The following LRRC7 variants were observed in gnomAD, a reference collection of about 807,000 sequenced individuals.
The protein encoded by LRRC7 is leucine rich repeat containing 7, also known as leucine-rich repeat-containing protein 7.
A neutral mutation model predicts 175.7 loss-of-function variants in LRRC7; 23 were observed. That is an observed-to-expected ratio of 0.13 (90% CI 0.09 to 0.19). The LOEUF is 0.19. Ranked by LOEUF, LRRC7 falls within the 10% of genes least tolerant of loss-of-function variation. The pLI is 1.00. For synonymous variants in LRRC7, 685 were observed against 680.9 expected (o/e 1.01, Z -0.09); for missense variants, 1,354 against 1,904.7 (o/e 0.71, Z 5.38).
chr1:69,629,271 TATCTGA>T (rs1161808408), intron 1 of LRRC7, among the ~76,000 whole-genome samples: 1 of 152,140 alleles, frequency 6.6e-6, no homozygotes, highest in Non-Finnish European at 1.5e-5. Flanking sequence ...GAAAATGAAT[TATCTGA>T]TTAAAAAATA....
chr1:69,921,957 C>CT (rs1274906901), intron 7 of LRRC7, among the ~76,000 whole-genome samples: 1 of 152,152 alleles, frequency 6.6e-6, no homozygotes, highest in African/African-American at 2.4e-5. Flanking sequence ...CGAATTCTCA[C>CT]TCTTGTCCCC....
intron 26 of LRRC7, among the ~76,000 whole-genome samples, chr1:70,109,869 A>G (rs1240283251): frequency 3.9e-5 from 6 of 152,212 alleles, no homozygotes; most frequent in Admixed American, 3.9e-4. Context: ...TAAATCCTAG[A>G]GTCTGGAAAA....
intron 2 of LRRC7, among the ~76,000 whole-genome samples, chr1:69,749,950 A>C (rs1295174416): frequency 6.6e-6 from 1 of 151,964 alleles, no homozygotes; most frequent in African/African-American, 2.4e-5. Flanking sequence ...AGTCCCAGCT[A>C]TTCGGGAGGC....
At chr1:69,839,024 C>A in intron 7 of LRRC7, 1 of 286,352 alleles carries the variant, frequency 3.5e-6, no homozygotes, top group Non-Finnish European at 7.0e-6. Context: ...ATTTAAAGTA[C>A]TATGTTGCTA....
chr1:69,884,907 C>A (rs2101623959), intron 7 of LRRC7, among the ~76,000 whole-genome samples: 1 of 146,780 alleles, frequency 6.8e-6, no homozygotes, highest in Non-Finnish European at 1.5e-5. Context: ...TGTTTATATG[C>A]TGGATTACAT....
At chr1:70,102,222 T>A (rs1398459612) in intron 25 of LRRC7, among the ~76,000 whole-genome samples, 1 of 152,160 alleles carries the variant, frequency 6.6e-6, no homozygotes, top group Non-Finnish European at 1.5e-5. Flanking sequence ...GGGACTCATG[T>A]CCACTACTAA....
chr1:69,904,599 A>T (rs1360441933), intron 7 of LRRC7, among the ~76,000 whole-genome samples: 1 of 152,158 alleles, frequency 6.6e-6, no homozygotes, highest in African/African-American at 2.4e-5. Flanking sequence ...ATGCAAATAT[A>T]TTGCTATATA....
chr1:69,801,055 G>A (rs977224628), intron 4 of LRRC7, among the ~76,000 whole-genome samples: 3 of 151,382 alleles, frequency 2.0e-5, no homozygotes, highest in African/African-American at 7.3e-5. Context: ...TGCCTATTTT[G>A]AACCATCTTC....
intron 1 of LRRC7, among the ~76,000 whole-genome samples, chr1:69,663,867 G>T (rs1414691265): frequency 6.6e-6 from 1 of 151,076 alleles, no homozygotes; most frequent in South Asian, 2.1e-4. Flanking sequence ...GACTACAGGC[G>T]CCCGCCACCG....
rs568847687 is a variant in LRRC7, at chr1:69,859,175, T to C, written c.647+20892T>C. Among the ~76,000 whole-genome samples, 10 of 152,272 alleles carry C rather than the reference T, an allele frequency of 6.6e-5. No individual in the cohort carries two copies. The South Asian group carries it at 1.7e-3, about 25-fold the overall frequency. On this transcript the variant is annotated intron_variant, in intron 7 of 26. Transcript: ENST00000651989. ...AATTGACTTCTTCATATACAACTTA[T>C]AATGTTGCACGTTTTCACTGAGTGT... is the stretch of plus-strand genomic sequence containing the variant.
chr1:69,889,399 A>C (rs544190265), intron 7 of LRRC7, among the ~76,000 whole-genome samples: 2 of 152,226 alleles, frequency 1.3e-5, no homozygotes, highest in Non-Finnish European at 2.9e-5. Flanking sequence ...ATTTGAGTCT[A>C]TCCTCTCAAA....
chr1:69,729,936 A>T (rs564178585), intron 2 of LRRC7, among the ~76,000 whole-genome samples: 4 of 152,322 alleles, frequency 2.6e-5, no homozygotes, highest in African/African-American at 9.6e-5. Context: ...ATCTAAGCGG[A>T]GGTTCCCAAA....
chr1:69,903,752 A>G (rs890964374), intron 7 of LRRC7, among the ~76,000 whole-genome samples: 14 of 151,948 alleles, frequency 9.2e-5, no homozygotes, highest in African/African-American at 2.9e-4. Context: ...AAAATAGATC[A>G]CTAGCCAGAC....
At chr1:69,851,284 G>A (rs1234904506) in intron 7 of LRRC7, among the ~76,000 whole-genome samples, 1 of 152,172 alleles carries the variant, frequency 6.6e-6, no homozygotes, top group Non-Finnish European at 1.5e-5. Context: ...GAGACAACAA[G>A]CACAATTTCT....
intron 7 of LRRC7, among the ~76,000 whole-genome samples, chr1:69,902,884 G>A (rs74084557): frequency 0.022 from 3,404 of 152,202 alleles, 110 homozygotes; most frequent in African/African-American, 0.078. Context: ...ATTAGACTTC[G>A]TGTCTTTTAC....
chr1:69,926,790 G>A (rs1182324193), intron 7 of LRRC7, among the ~76,000 whole-genome samples: 2 of 152,062 alleles, frequency 1.3e-5, no homozygotes, highest in African/African-American at 2.4e-5. Flanking sequence ...TTTAATTGGA[G>A]CATTTAGCCC....
chr1:69,865,469 C>CTTTTTTTT (rs532063540), intron 7 of LRRC7, among the ~76,000 whole-genome samples: 1,157 of 51,244 alleles, frequency 0.023, 298 homozygotes, highest in African/African-American at 0.068. Context: ...AAGACAGTTC[C>CTTTTTTTT]TTTTTTTTTT....
At chr1:69,636,232 C>T (rs774978382) in intron 1 of LRRC7, among the ~76,000 whole-genome samples, 10 of 151,820 alleles carry the variant, frequency 6.6e-5, no homozygotes, top group South Asian at 4.1e-4. Flanking sequence ...TATTCAGTTC[C>T]GTTCAATTCT....
chr1:69,605,210 A>G (rs1647333119), intron 1 of LRRC7, among the ~76,000 whole-genome samples: 1 of 152,150 alleles, frequency 6.6e-6, no homozygotes, highest in Admixed American at 6.6e-5. Context: ...TGATGGTTTT[A>G]TAAAGGGGAG....
Sources: gnomAD v4.1 joint callset for allele counts (sites outside exome capture counted in the v4.1 genomes callset) on GRCh38, gnomAD v4.1.1 for gene constraint, MANE v1.5 for transcripts, NCBI Gene and HGNC (gene_info 2026-07-23, HGNC 2026-07-21) for gene names.